Variants in ROBO2 observed in about 807,000 individuals in gnomAD.
ROBO2 encodes the protein roundabout homolog 2.
A neutral mutation model predicts 160.8 loss-of-function variants in ROBO2; 53 were observed. That is an observed-to-expected ratio of 0.33 (90% CI 0.26 to 0.41). The LOEUF is 0.41. Among genes scored for constraint, ROBO2 ranks in the 10% least tolerant of loss-of-function variants. The pLI, the probability that ROBO2 is intolerant of heterozygous loss-of-function variation, is 1.00. For synonymous variants in ROBO2, 664 were observed against 611.7 expected, an observed-to-expected ratio of 1.09 and a Z score of -1.26; for missense variants, 1,577 against 1,722.4, an observed-to-expected ratio of 0.92 and a Z score of 1.49.
chr3:76,449,627 A>G (rs552480861), intron 2 of ROBO2, among the ~76,000 whole-genome samples: 9 of 152,152 alleles, frequency 5.9e-5, no homozygotes, highest in Non-Finnish European at 1.5e-5. Flanking sequence ...AATTGTATAC[A>G]TATCAAAAAT....
intron 2 of ROBO2, among the ~76,000 whole-genome samples, chr3:76,495,102 G>C (rs2080070388): frequency 6.6e-6 from 1 of 151,968 alleles, no homozygotes; most frequent in African/African-American, 2.4e-5. Context: ...ACGTGTGTTT[G>C]AAGTTAACAT....
At chr3:76,071,156 A>C (rs1453476219) in intron 2 of ROBO2, among the ~76,000 whole-genome samples, 1 of 152,180 alleles carries the variant, frequency 6.6e-6, no homozygotes, top group African/African-American at 2.4e-5. Context: ...ATCCATTTAG[A>C]TAAACATCAA....
chr3:77,218,859 A>G (rs1470827358), intron 2 of ROBO2, among the ~76,000 whole-genome samples: 1 of 152,240 alleles, frequency 6.6e-6, no homozygotes, highest in African/African-American at 2.4e-5. Context: ...CTCTACATCC[A>G]GAATCCAACA....
intron 2 of ROBO2, among the ~76,000 whole-genome samples, chr3:75,951,339 T>C (rs1559778489): frequency 6.6e-6 from 1 of 152,126 alleles, no homozygotes; most frequent in Non-Finnish European, 1.5e-5. Context: ...GTAAATATTA[T>C]AGGCTTTGCT....
intron 2 of ROBO2, among the ~76,000 whole-genome samples, chr3:76,806,090 C>G (rs2064682297): frequency 1.3e-5 from 2 of 151,642 alleles, no homozygotes; most frequent in Admixed American, 6.6e-5. Context: ...CTTCTGTTTC[C>G]CTTTTGATTA....
At chr3:77,211,275 A>C (rs568904496) in intron 2 of ROBO2, among the ~76,000 whole-genome samples, 2 of 152,180 alleles carry the variant, frequency 1.3e-5, no homozygotes, top group South Asian at 2.1e-4. Context: ...TTTAATGATC[A>C]CCATTCTAAC....
At chr3:77,554,630 T>G (rs2153656176) in intron 8 of ROBO2, among the ~76,000 whole-genome samples, 1 of 152,058 alleles carries the variant, frequency 6.6e-6, no homozygotes, top group South Asian at 2.1e-4. Context: ...CAGACTTCAG[T>G]AGAGGAAGTA....
At chr3:76,970,046 A>G (rs765379612) in intron 2 of ROBO2, among the ~76,000 whole-genome samples, 1 of 152,170 alleles carries the variant, frequency 6.6e-6, no homozygotes, top group Non-Finnish European at 1.5e-5. Flanking sequence ...GGAAGAAAGG[A>G]AATTCCTCTG....
At chr3:76,844,917 T>A (rs2068638159) in intron 2 of ROBO2, among the ~76,000 whole-genome samples, 1 of 152,052 alleles carries the variant, frequency 6.6e-6, no homozygotes, top group Admixed American at 6.6e-5. Flanking sequence ...GTATAGCAAA[T>A]TTTTAAATAA....
chr3:76,164,736 G>C lies in ROBO2; in HGVS notation c.109+227134G>C, dbSNP rs150983162. Reference sequence around the variant, plus strand: ...CTTTGTTGATCCATTTACAGGGCACGGGAAGAGAATATTTGCATACTTTTT... The same window carrying C: ...CTTTGTTGATCCATTTACAGGGCACCGGAAGAGAATATTTGCATACTTTTT... On this transcript the variant is annotated intron_variant, in intron 2 of 26. Transcript: ENST00000487694. 5.2e-3 allele frequency among the ~76,000 whole-genome samples: 798 copies of C among 152,220 alleles called. 9 individuals carry two copies. Among genetic ancestry groups the C allele is most frequent in the African/African-American group, 0.019 (773 of 41,544 alleles).
At chr3:77,592,544 T>C (rs967256010) in intron 17 of ROBO2, among the ~76,000 whole-genome samples, 17 of 151,994 alleles carry the variant, frequency 1.1e-4, no homozygotes, top group African/African-American at 3.6e-4. Context: ...TGTGTATATA[T>C]ATATAAATAT....
At chr3:76,149,197 C>A (rs1246567374) in intron 2 of ROBO2, among the ~76,000 whole-genome samples, 2 of 152,066 alleles carry the variant, frequency 1.3e-5, no homozygotes, top group Non-Finnish European at 2.9e-5. Flanking sequence ...GTATGACAAG[C>A]AATTTCCACT....
At chr3:77,144,782 G>A (rs1335652242) in intron 2 of ROBO2, among the ~76,000 whole-genome samples, 1 of 151,870 alleles carries the variant, frequency 6.6e-6, no homozygotes, top group Non-Finnish European at 1.5e-5. Flanking sequence ...TCAATTCCAA[G>A]ATACATGCTT....
chr3:76,489,897 A>G (rs6789022), intron 2 of ROBO2, among the ~76,000 whole-genome samples: 51,572 of 152,022 alleles, frequency 0.34, 9,316 homozygotes, highest in Non-Finnish European at 0.41. Context: ...GCCTTTCAAT[A>G]AACATTTTTT....
At chr3:77,044,012 G>A (rs1218562756) in intron 1 of ROBO2, among the ~76,000 whole-genome samples, 1 of 151,982 alleles carries the variant, frequency 6.6e-6, no homozygotes. Context: ...GTCTATTTCA[G>A]AATTTAAATT....
chr3:77,396,805 G>T (rs904898508), intron 2 of ROBO2, among the ~76,000 whole-genome samples: 13 of 151,968 alleles, frequency 8.6e-5, no homozygotes, highest in Non-Finnish European at 7.4e-5. Context: ...ATATCATTAG[G>T]TAAACCAAGA....
chr3:77,039,198 C>T (rs1373719142), upstream of ROBO2, among the ~76,000 whole-genome samples: 1 of 152,116 alleles, frequency 6.6e-6, no homozygotes, highest in African/African-American at 2.4e-5. Context: ...CCTTTTTCTC[C>T]CCCTTGTGCT....
At chr3:76,456,755 GAA>G (rs2077779984) in intron 2 of ROBO2, among the ~76,000 whole-genome samples, 1 of 152,144 alleles carries the variant, frequency 6.6e-6, no homozygotes, top group South Asian at 2.1e-4. Flanking sequence ...AGACTGGGAA[GAA>G]AAAGAGGTTT....
At chr3:76,598,723 T>G (rs1196599536) in intron 2 of ROBO2, among the ~76,000 whole-genome samples, 1 of 152,096 alleles carries the variant, frequency 6.6e-6, no homozygotes, top group East Asian at 1.9e-4. Flanking sequence ...CATATAAAAT[T>G]GAAAGGACTC....
Sources: gnomAD v4.1 joint callset for allele counts (sites outside exome capture counted in the v4.1 genomes callset) on GRCh38, gnomAD v4.1.1 for gene constraint, MANE v1.5 for transcripts, NCBI Gene and HGNC (gene_info 2026-07-23, HGNC 2026-07-21) for gene names.